Variants in HIVEP1 observed in about 807,000 individuals in gnomAD.
The protein encoded by HIVEP1 is zinc finger protein 40.
HIVEP1 carries 36 observed loss-of-function variants against 180.0 expected under a neutral mutation model. The ratio of observed to expected loss-of-function variants is 0.20; its 90% confidence interval spans 0.15 to 0.26. The LOEUF (loss-of-function observed/expected upper bound fraction) is 0.26. Among genes scored for constraint, HIVEP1 ranks in the 10% least tolerant of loss-of-function variants. The pLI, the probability that HIVEP1 is intolerant of heterozygous loss-of-function variation, is 1.00. For synonymous variants in HIVEP1, 1,239 were observed against 1,239.0 expected (o/e 1.00, Z 0.00); for missense variants, 3,143 against 3,268.7 (o/e 0.96, Z 0.94).
chr6:12,016,048 G>C (rs548805263), intron 2 of HIVEP1, among the ~76,000 whole-genome samples: 35 of 152,052 alleles, frequency 2.3e-4, no homozygotes, highest in African/African-American at 8.4e-4. Flanking sequence ...TTCCTCCATA[G>C]TTCTTTTGAG....
chr6:12,131,376 C>T (rs1419922865), intron 6 of HIVEP1, among the ~76,000 whole-genome samples: 3 of 151,754 alleles, frequency 2.0e-5, no homozygotes, highest in Non-Finnish European at 4.4e-5. Flanking sequence ...AATAATTACA[C>T]TTCTGTTTTA....
intron 4 of HIVEP1, 91 bp downstream of exon 4, chr6:12,125,961 T>A: frequency 2.7e-6 from 2 of 754,372 alleles, no homozygotes; most frequent in Non-Finnish European, 4.3e-6. Context: ...CTGGAAATAT[T>A]TTAATTTTGA....
Position 12,164,666 on chromosome 6 carries a change from T to C in HIVEP1, c.*205T>C, listed in dbSNP as rs1760640902. On this transcript the variant is annotated 3_prime_UTR_variant, in exon 9 of 9. Transcript: ENST00000379388. Reference sequence around the variant, plus strand: ...ATAGACAATTGTGCCTTTTAGGAGCTTTATGTTTAGAAACTGTACAGATTG... The same window carrying C: ...ATAGACAATTGTGCCTTTTAGGAGCCTTATGTTTAGAAACTGTACAGATTG... The C allele has an allele frequency of 2.0e-6, 1 of 491,016 alleles. No homozygotes were observed. The highest frequency in any genetic ancestry group is 3.6e-6 in the Non-Finnish European group (1 of 280,478). 30.4% of individuals were successfully genotyped at this position (491,016 alleles called of 1,614,324 possible). A position where few individuals can be genotyped will look rare whatever the true frequency, so the allele number is the denominator to read the frequency against.
At chr6:12,199,625 T>C in the HIVEP1 span, among the ~76,000 whole-genome samples, 1 of 152,120 alleles carries the variant, frequency 6.6e-6, no homozygotes, top group Non-Finnish European at 1.5e-5. Context: ...CCTCCTAAAG[T>C]CTGGGATTAC....
At chr6:12,043,246 C>T (rs1158505059) in intron 2 of HIVEP1, among the ~76,000 whole-genome samples, 2 of 152,016 alleles carry the variant, frequency 1.3e-5, no homozygotes, top group East Asian at 1.9e-4. Context: ...TTTACCTACT[C>T]TCTTTACTTA....
intron 7 of HIVEP1, among the ~76,000 whole-genome samples, chr6:12,159,576 A>G (rs1018507618): frequency 1.3e-5 from 2 of 152,184 alleles, no homozygotes; most frequent in Non-Finnish European, 2.9e-5. Flanking sequence ...TAATCCTCGC[A>G]GAGTTGCCAA....
At chr6:12,168,109 G>GATATACGTGTATATC (rs1760788086), downstream of HIVEP1, among the ~76,000 whole-genome samples, 13 of 7,482 alleles carry the variant, frequency 1.7e-3, 3 homozygotes, top group East Asian at 0.037. Context: ...ACGTATATAT[G>GATATACGTGTATATC]TATATTATAT....
At chr6:12,073,017 CATAG>C (rs775044832) in intron 2 of HIVEP1, among the ~76,000 whole-genome samples, 7 of 152,202 alleles carry the variant, frequency 4.6e-5, no homozygotes, top group Non-Finnish European at 1.0e-4. Context: ...TTTTTAATCA[CATAG>C]AGAACAATGT....
At chr6:12,092,090 A>C (rs1202669870) in intron 3 of HIVEP1, among the ~76,000 whole-genome samples, 1 of 152,188 alleles carries the variant, frequency 6.6e-6, no homozygotes, top group Non-Finnish European at 1.5e-5. Flanking sequence ...TGACATGGTA[A>C]TCTTTGATTC....
At chr6:12,077,187 A>G (rs186197686) in intron 2 of HIVEP1, among the ~76,000 whole-genome samples, 23 of 152,318 alleles carry the variant, frequency 1.5e-4, no homozygotes, top group Admixed American at 1.3e-3. Flanking sequence ...TCAGTTTTAA[A>G]TCTGTGGTTT....
At position 12,124,562 on chromosome 6, in the gene HIVEP1, A is replaced by T; in HGVS notation, c.4767A>T (p.Pro1589=). Residue 1589 remains proline (P), a synonymous_variant, in exon 4 of 9, where the codon CCA becomes CCT. Transcript: ENST00000379388. ...TGCCAAATCAAGTTATTTCAGATCC[A>T]GTTGGAACAGATCATTGTGTGACAT... is the stretch of plus-strand genomic sequence containing the variant. ...HSLPNQVISD[P]VGTDHCVTSA... is the part of the protein sequence containing the mutation. The T allele has an allele frequency of 6.2e-7, 1 of 1,614,076 alleles. No individual in the cohort carries two copies. The highest frequency in any genetic ancestry group is 2.2e-5 in the East Asian group (1 of 44,882).
At chr6:12,073,556 G>C (rs931789368) in intron 2 of HIVEP1, among the ~76,000 whole-genome samples, 7 of 152,078 alleles carry the variant, frequency 4.6e-5, no homozygotes, top group African/African-American at 1.7e-4. Flanking sequence ...GTTGCCCTGG[G>C]GGAAAGACCA....
chr6:12,057,072 C>G (rs1770933009), intron 2 of HIVEP1, among the ~76,000 whole-genome samples: 1 of 152,004 alleles, frequency 6.6e-6, no homozygotes, highest in Non-Finnish European at 1.5e-5. Flanking sequence ...GAATTTTTAT[C>G]AGTGTTTTGG....
chr6:12,155,719 GTTATCT>G (rs1195829488), intron 7 of HIVEP1, among the ~76,000 whole-genome samples: 10 of 152,114 alleles, frequency 6.6e-5, no homozygotes, highest in African/African-American at 2.4e-4. Flanking sequence ...ATGCATGCAT[GTTATCT>G]TTATAGTAAA....
At chr6:12,207,630 A>G in the HIVEP1 span, among the ~76,000 whole-genome samples, 1 of 151,868 alleles carries the variant, frequency 6.6e-6, no homozygotes, top group Admixed American at 6.6e-5. Context: ...TTGGCGGGGC[A>G]TGGTGGCTCA....
chr6:12,198,494 C>T, the HIVEP1 span, among the ~76,000 whole-genome samples: 1 of 152,092 alleles, frequency 6.6e-6, no homozygotes, highest in African/African-American at 2.4e-5. Context: ...TCAATAAGTA[C>T]TGAGTGCCTC....
In HIVEP1 at chr6:12,150,074, G is replaced by T. The variant is rs139340644; in HGVS notation, c.6488-11365G>T. 4.6e-3 allele frequency among the ~76,000 whole-genome samples: 701 copies of T among 152,292 alleles called. 3 individuals are homozygous for T. Among genetic ancestry groups the T allele is most frequent in the African/African-American group, 0.015 (636 of 41,558 alleles). ...AAATGTGGACATTCGGCATTTAAAAGAAGTTTCTATTTAGTTTAAAACTAG... is the reference window on the plus strand; with the variant it reads ...AAATGTGGACATTCGGCATTTAAAATAAGTTTCTATTTAGTTTAAAACTAG... On this transcript the variant is annotated intron_variant, in intron 7 of 8. Transcript: ENST00000379388.
intron 2 of HIVEP1, 40 bp downstream of exon 2, chr6:12,015,708 A>G: frequency 6.4e-7 from 1 of 1,570,262 alleles, no homozygotes; most frequent in African/African-American, 1.4e-5. Flanking sequence ...CTTGCTGTAA[A>G]TCTTTTAACA....
intron 2 of HIVEP1, among the ~76,000 whole-genome samples, chr6:12,045,176 T>G (rs1247174959): frequency 6.6e-6 from 1 of 152,198 alleles, no homozygotes; most frequent in African/African-American, 2.4e-5. Flanking sequence ...TTTATTCATA[T>G]GCTTGATCAG....
Sources: allele counts gnomAD v4.1 joint callset (sites outside exome capture counted in the v4.1 genomes callset), GRCh38; gene constraint gnomAD v4.1.1; transcripts MANE v1.5; gene names NCBI Gene and HGNC (gene_info 2026-07-23, HGNC 2026-07-21).